The following C11orf65 variants were observed in gnomAD, a reference collection of about 807,000 sequenced individuals.
The protein encoded by C11orf65 is protein MFI.
C11orf65 carries 38 observed loss-of-function variants against 35.3 expected under a neutral mutation model. The ratio of observed to expected loss-of-function variants is 1.08; its 90% CI spans 0.83 to 1.41. The LOEUF (loss-of-function observed/expected upper bound fraction) is 1.41, where lower values mean the gene tolerates loss of function less well. Among genes scored for constraint, C11orf65 ranks in the 40% most tolerant of loss-of-function variants. The pLI is 0.00. For synonymous variants in C11orf65, 105 were observed against 114.4 expected (o/e 0.92, Z 0.53); for missense variants, 370 against 367.1 (o/e 1.01, Z -0.06).
chr11:108,391,681 C>A (rs1056385553), intron 7 of C11orf65, among the ~76,000 whole-genome samples: 59 of 150,982 alleles, frequency 3.9e-4, no homozygotes, highest in Middle Eastern at 3.3e-3. Flanking sequence ...GCCTGGCCCA[C>A]AATGAATTTT....
At chr11:108,455,582 T>C (rs1219607059) in intron 2 of C11orf65, among the ~76,000 whole-genome samples, 1 of 144,372 alleles carries the variant, frequency 6.9e-6, no homozygotes, top group Admixed American at 7.0e-5. Context: ...CTTTGGGAGG[T>C]CGAGGCGGGC....
At position 108,411,280 on chromosome 11, in the gene C11orf65, C is replaced by T. The variant is rs553935968; in HGVS notation, c.175-4131G>A. ...TTTGCAAAAATTTGGTGGTTTTCTA[C>T]TTCTGTATTCTCATTAATTTTTAGT... On this transcript the variant is annotated intron_variant, in intron 3 of 8. Coordinates refer to ENST00000393084, the MANE Select transcript of C11orf65 (RefSeq NM_152587.5). Among the ~76,000 whole-genome samples, 9 of 152,072 alleles carry T rather than the reference C, an allele frequency of 5.9e-5. 1 individual carries two copies. The highest frequency in any genetic ancestry group is 9.6e-5 in the African/African-American group (4 of 41,486).
intron 3 of C11orf65, among the ~76,000 whole-genome samples, chr11:108,416,668 C>T (rs187783118): frequency 8.6e-5 from 13 of 152,044 alleles, no homozygotes; most frequent in South Asian, 2.1e-4. Flanking sequence ...ACAGAAACTC[C>T]GTGTCAAAAC....
downstream of C11orf65, among the ~76,000 whole-genome samples, chr11:108,381,935 GCTCT>G (rs34839130): frequency 0.54 from 80,518 of 150,060 alleles, 21,956 homozygotes; most frequent in Middle Eastern, 0.74. Flanking sequence ...CTTCCTCCTT[GCTCT>G]CTCTCTCTCT....
chr11:108,325,250 T>A (rs961083093), intron 6 of C11orf65: 14 of 7,730 alleles, frequency 1.8e-3, no homozygotes, highest in Non-Finnish European at 5.9e-3. Context: ...ACTTACATAG[T>A]TTTTTTTTTT....
At chr11:108,440,290 AAAC>A (rs2093130457) in intron 2 of C11orf65, among the ~76,000 whole-genome samples, 1 of 152,196 alleles carries the variant, frequency 6.6e-6, no homozygotes, top group Non-Finnish European at 1.5e-5. Context: ...AGTAGTGTAA[AAAC>A]AACCACCATT....
intron 6 of C11orf65, among the ~76,000 whole-genome samples, chr11:108,397,908 AAT>A (rs1436222064): frequency 6.6e-6 from 1 of 152,212 alleles, no homozygotes; most frequent in African/African-American, 2.4e-5. Flanking sequence ...GTGGCAGACA[AAT>A]ACACAGTTAA....
In C11orf65 at chr11:108,348,375, T is replaced by C. The variant is rs1282738534; in HGVS notation, c.227-13083A>G. Reference sequence around the variant, plus strand: ...TCTAGGTGGAATAGACAGTTTAATATATAAGAAAGAAAGAATATGTAGCTT... The same window carrying C: ...TCTAGGTGGAATAGACAGTTTAATACATAAGAAAGAAAGAATATGTAGCTT... On this transcript the variant is annotated intron_variant, in intron 2 of 3. Coordinates refer to the C11orf65 transcript ENST00000524755. 6.6e-5 allele frequency among the ~76,000 whole-genome samples: 10 copies of C among 151,676 alleles called. No homozygotes were observed. In the East Asian group the frequency reaches 1.9e-3, roughly 29 times the overall value.
intron 2 of C11orf65, among the ~76,000 whole-genome samples, chr11:108,448,299 C>T (rs567477579): frequency 4.5e-4 from 69 of 152,166 alleles, no homozygotes; most frequent in Non-Finnish European, 6.5e-4. Flanking sequence ...CCAGCATTAT[C>T]CTGATACGAA....
chr11:108,339,138 A>G (rs188185203), intron 2 of C11orf65, among the ~76,000 whole-genome samples: 10 of 152,346 alleles, frequency 6.6e-5, no homozygotes, highest in Admixed American at 5.9e-4. Context: ...TAGCTCAGAC[A>G]TAGCCCTTAA....
At position 108,363,807 on chromosome 11, in the gene C11orf65, G is replaced by A. The variant is rs529551868; in HGVS notation, c.227-28515C>T. On this transcript the variant is annotated intron_variant, in intron 2 of 3. Transcript: ENST00000524755. Reference sequence around the variant, plus strand: ...TCTAATATTTGCAAGTATGATTCCTGACACAAGCCCTTGGTTTTGAAGTAA... The same window carrying A: ...TCTAATATTTGCAAGTATGATTCCTAACACAAGCCCTTGGTTTTGAAGTAA... Among the ~76,000 whole-genome samples, 249 of 152,226 alleles carry A rather than the reference G, an allele frequency of 1.6e-3. 1 individual carries two copies. Among genetic ancestry groups the A allele is most frequent in the Non-Finnish European group, 3.1e-3 (212 of 68,012 alleles).
At chr11:108,460,520 T>C (rs2093460570) in intron 2 of C11orf65, among the ~76,000 whole-genome samples, 2 of 152,206 alleles carry the variant, frequency 1.3e-5, no homozygotes. Context: ...AAATATTTAA[T>C]GAGTGGCTAT....
intron 2 of C11orf65, among the ~76,000 whole-genome samples, chr11:108,443,535 C>G (rs140189602): frequency 5.1e-4 from 77 of 152,302 alleles, no homozygotes; most frequent in African/African-American, 1.7e-3. Context: ...TTTACAGCAT[C>G]ACACGACACC....
chr11:108,351,322 G>T lies in C11orf65; in HGVS notation c.227-16030C>A, dbSNP rs141811997. On this transcript the variant is annotated intron_variant, in intron 2 of 3. Coordinates refer to the C11orf65 transcript ENST00000524755. ...GGTAGAGTTCTGTTAACGTGGATTTGTTCACTTTGCAGAAATCCCAGTGAG... is the reference window on the plus strand; with the variant it reads ...GGTAGAGTTCTGTTAACGTGGATTTTTTCACTTTGCAGAAATCCCAGTGAG... Among the ~76,000 whole-genome samples, 3 of 152,298 alleles carry T rather than the reference G, an allele frequency of 2.0e-5. No homozygotes were observed. The East Asian group carries it at 5.8e-4, about 29-fold the overall frequency.
At chr11:108,374,784 G>A (rs1401691048) in intron 2 of C11orf65, among the ~76,000 whole-genome samples, 1 of 152,178 alleles carries the variant, frequency 6.6e-6, no homozygotes, top group Non-Finnish European at 1.5e-5. Context: ...ATACAGAGAA[G>A]TGCTTAAAGG....
At chr11:108,334,850 A>T (rs879148945) in intron 3 of C11orf65, 1 of 1,227,970 alleles carries the variant, frequency 8.1e-7, no homozygotes, top group Non-Finnish European at 1.2e-6. Context: ...GTTCTTAACC[A>T]CTATCACATC....
chr11:108,345,915 T>C lies in C11orf65; in HGVS notation c.227-10623A>G, dbSNP rs1374271708. On this transcript the variant is annotated intron_variant, in intron 2 of 3. Transcript: ENST00000524755. ...GTAGCTACTTCTTCTATTGGTAATC[T>C]TCTTGTACATATAGTAGATTGAGCA... The C allele has an allele frequency of 6.2e-7, 1 of 1,613,536 alleles. No homozygotes were observed. The highest frequency in any genetic ancestry group is 1.1e-5 in the South Asian group (1 of 91,072).
chr11:108,359,690 A>C (rs1565595095), intron 2 of C11orf65, among the ~76,000 whole-genome samples: 1 of 152,226 alleles, frequency 6.6e-6, no homozygotes, highest in Non-Finnish European at 1.5e-5. Flanking sequence ...CTGCTCCTGA[A>C]TGACTACTGG....
At chr11:108,423,978 C>T (rs2092861148) in intron 3 of C11orf65, among the ~76,000 whole-genome samples, 1 of 152,128 alleles carries the variant, frequency 6.6e-6, no homozygotes, top group South Asian at 2.1e-4. Context: ...GCAGAAAATT[C>T]CAAAAACCAG....
Sources: allele counts gnomAD v4.1 joint callset (sites outside exome capture counted in the v4.1 genomes callset), GRCh38; gene constraint gnomAD v4.1.1; transcripts MANE v1.5; gene names NCBI Gene and HGNC (gene_info 2026-07-23, HGNC 2026-07-21).